The following ANKS1A variants were observed in gnomAD, a reference collection of about 807,000 sequenced individuals.
The protein encoded by ANKS1A is ankyrin repeat and sterile alpha motif domain containing 1A.
Under a neutral mutation model 120.3 loss-of-function variants are expected in ANKS1A, and 55 were observed. That is an observed-to-expected ratio of 0.46 (90% CI 0.37 to 0.57). ANKS1A has a LOEUF of 0.57. Ranked by LOEUF, ANKS1A falls within the 20% of genes least tolerant of loss-of-function variation. ANKS1A has a pLI of 0.00. For missense variants in ANKS1A, 1,123 were observed against 1,480.3 expected (o/e 0.76, Z 3.96); for synonymous variants, 590 against 604.7 (o/e 0.98, Z 0.36).
chr6:35,081,768 T>TAC (rs1427337602), intron 17 of ANKS1A, among the ~76,000 whole-genome samples: 2 of 152,186 alleles, frequency 1.3e-5, no homozygotes, highest in Non-Finnish European at 2.9e-5. Context: ...TGGCTCACCT[T>TAC]CTCAGGGCAT....
chr6:34,895,780 CTTTTTTTT>C (rs995285475), intron 1 of ANKS1A, among the ~76,000 whole-genome samples: 8,033 of 90,428 alleles, frequency 0.089, 330 homozygotes, highest in East Asian at 0.26. Context: ...GAATGTCTTT[CTTTTTTTT>C]TTTTTTTTTT....
At position 35,084,641 on chromosome 6, in the gene ANKS1A, C is replaced by T. The variant is rs1373141905; in HGVS notation, c.3132+383C>T. Among the ~76,000 whole-genome samples the T allele has an allele frequency of 5.9e-5, 9 of 152,078 alleles. No homozygotes were observed. The highest frequency in any genetic ancestry group is 4.6e-4 in the Admixed American group (7 of 15,266). Reference sequence around the variant, plus strand: ...CGCCCCTGACTTTCCAGCTTTTTGGCGAGTGTTTTCTTAGGTCAGGCAAGG... The same window carrying T: ...CGCCCCTGACTTTCCAGCTTTTTGGTGAGTGTTTTCTTAGGTCAGGCAAGG... On this transcript the variant is annotated intron_variant, in intron 21 of 23. Transcript: ENST00000360359. The surrounding 1 kb of genome is among the most constrained non-coding windows in gnomAD (Gnocchi z 4.8).
intron 1 of ANKS1A, among the ~76,000 whole-genome samples, chr6:34,927,714 G>T (rs553336267): frequency 6.6e-6 from 1 of 152,308 alleles, no homozygotes; most frequent in African/African-American, 2.4e-5. Flanking sequence ...TAATGTACAG[G>T]ATTTGATGAC....
intron 13 of ANKS1A, among the ~76,000 whole-genome samples, chr6:35,062,193 C>T (rs965118409): frequency 2.0e-5 from 3 of 152,206 alleles, no homozygotes; most frequent in African/African-American, 7.2e-5. Context: ...GCCTGCAGCT[C>T]AGTCCTTCCA....
chr6:35,010,319 G>A (rs1472320651), intron 10 of ANKS1A, among the ~76,000 whole-genome samples: 1 of 152,208 alleles, frequency 6.6e-6, no homozygotes, highest in Non-Finnish European at 1.5e-5. Context: ...GGTTGAACAA[G>A]ATAGAAGTAA....
At chr6:34,931,130 C>A (rs1427353089) in intron 1 of ANKS1A, among the ~76,000 whole-genome samples, 1 of 150,348 alleles carries the variant, frequency 6.7e-6, no homozygotes, top group East Asian at 2.0e-4. Flanking sequence ...CCGCCCGCCT[C>A]AGCCTCCCAA....
At chr6:34,988,701 A>G (rs1434937836) in intron 8 of ANKS1A, among the ~76,000 whole-genome samples, 1 of 152,232 alleles carries the variant, frequency 6.6e-6, no homozygotes, top group Non-Finnish European at 1.5e-5. Context: ...GCTTTTTGCT[A>G]ATAAATGGGA....
rs760032325 is a variant in ANKS1A at position 34,889,638 on chromosome 6, C to T, written c.197+39C>T. On this transcript the variant is annotated intron_variant, in intron 1 of 23. Coordinates refer to ENST00000360359, the MANE Select transcript of ANKS1A (RefSeq NM_015245.3). This position sits in a 1 kb window ranked among gnomAD's most constrained non-coding sequence, Gnocchi z 5.5. ...AGGGCCGGGCCGCTGCCTGCAGACC[C>T]TTTCTCCCCCACCCGTCTCTTGGGT... 57 of 1,268,326 alleles carry T rather than the reference C, an allele frequency of 4.5e-5. No individual in the cohort carries two copies. In the East Asian group the frequency reaches 1.5e-3, roughly 34 times the overall value. The allele number at this position is 1,268,326 out of a possible 1,614,324, so 78.6% of individuals were successfully genotyped here.
Position 34,889,385 on chromosome 6 carries a change from C to T in ANKS1A, c.-18C>T. The T allele has an allele frequency of 8.0e-7, 1 of 1,257,214 alleles. No individual in the cohort carries two copies. Among genetic ancestry groups the T allele is most frequent in the South Asian group, 3.3e-5 (1 of 30,580 alleles). 77.9% of individuals were successfully genotyped at this position (1,257,214 alleles called of 1,614,324 possible). A position where few individuals can be genotyped will look rare whatever the true frequency, so the allele number is the denominator to read the frequency against. Reference sequence around the variant, plus strand: ...CTGCAGCCTCGGGGAGGGGGTCCAGCGGGTGGCGGCCCTGGGGATGGGGAA... The same window carrying T: ...CTGCAGCCTCGGGGAGGGGGTCCAGTGGGTGGCGGCCCTGGGGATGGGGAA... On this transcript the variant is annotated 5_prime_UTR_variant, in exon 1 of 24. Coordinates refer to ENST00000360359, the MANE Select transcript of ANKS1A (RefSeq NM_015245.3). The surrounding 1 kb of genome is among the most constrained non-coding windows in gnomAD (Gnocchi z 5.5).
intron 3 of ANKS1A, among the ~76,000 whole-genome samples, chr6:34,975,829 T>C (rs564568145): frequency 6.6e-6 from 1 of 152,048 alleles, no homozygotes; most frequent in East Asian, 1.9e-4. Flanking sequence ...AAACCCTTCT[T>C]GAGCTGATTC....
At chr6:35,012,146 T>C (rs961169130) in intron 10 of ANKS1A, among the ~76,000 whole-genome samples, 1 of 152,084 alleles carries the variant, frequency 6.6e-6, no homozygotes, top group Non-Finnish European at 1.5e-5. Context: ...CTAGCCTAAA[T>C]CCCAAAGCCC....
intron 1 of ANKS1A, among the ~76,000 whole-genome samples, chr6:34,935,302 G>T (rs1485295473): frequency 6.6e-6 from 1 of 152,118 alleles, no homozygotes; most frequent in African/African-American, 2.4e-5. Context: ...TCCCAGGCTG[G>T]TCTCAAACTC....
At chr6:35,065,902 C>A (rs553307964) in intron 13 of ANKS1A, among the ~76,000 whole-genome samples, 6 of 152,216 alleles carry the variant, frequency 3.9e-5, no homozygotes. Flanking sequence ...CTGCCTGGCC[C>A]GTTGCTTCTA....
intron 12 of ANKS1A, among the ~76,000 whole-genome samples, chr6:35,056,870 CT>C (rs1180329851): frequency 6.6e-6 from 1 of 152,058 alleles, no homozygotes; most frequent in Non-Finnish European, 1.5e-5. Context: ...CCCATGAACC[CT>C]GTCTGATGGG....
At chr6:34,977,190 T>A (rs1771646207) in intron 3 of ANKS1A, among the ~76,000 whole-genome samples, 1 of 152,186 alleles carries the variant, frequency 6.6e-6, no homozygotes, top group Non-Finnish European at 1.5e-5. Context: ...GTCTTTCAAT[T>A]TAGCTTTGTT....
At position 35,057,568 on chromosome 6, in the gene ANKS1A, T is replaced by C. The variant is rs1445730108; in HGVS notation, c.2078-2579T>C. Reference sequence around the variant, plus strand: ...CCCTGGACTTCTGTCCCTGTACCTGTTTTATCTTTTTGGCCTGTCTCCATC... The same window carrying C: ...CCCTGGACTTCTGTCCCTGTACCTGCTTTATCTTTTTGGCCTGTCTCCATC... On this transcript the variant is annotated intron_variant, in intron 12 of 23. Coordinates refer to ENST00000360359, the MANE Select transcript of ANKS1A (RefSeq NM_015245.3). This position sits in a 1 kb window ranked among gnomAD's most constrained non-coding sequence, Gnocchi z 4.1. Among the ~76,000 whole-genome samples the C allele has an allele frequency of 6.6e-6, 1 of 152,138 alleles. No individual in the cohort carries two copies. Among genetic ancestry groups the C allele is most frequent in the Non-Finnish European group, 1.5e-5 (1 of 68,018 alleles).
chr6:35,029,004 G>GA (rs767529541), intron 11 of ANKS1A, among the ~76,000 whole-genome samples: 11 of 152,184 alleles, frequency 7.2e-5, no homozygotes, highest in Non-Finnish European at 1.0e-4. Flanking sequence ...TTATCAACAT[G>GA]AGGGTGGTCA....
chr6:35,008,636 C>G (rs965707019), intron 10 of ANKS1A, among the ~76,000 whole-genome samples: 5 of 152,186 alleles, frequency 3.3e-5, no homozygotes. Context: ...CAAGTCCAAG[C>G]CTTATGAACT....
intron 11 of ANKS1A, among the ~76,000 whole-genome samples, chr6:35,028,760 A>C (rs1018272829): frequency 6.6e-6 from 1 of 152,182 alleles, no homozygotes; most frequent in Non-Finnish European, 1.5e-5. Context: ...AATTGAGTAC[A>C]TGAAGTTTTC....
Sources: allele counts gnomAD v4.1 joint callset (sites outside exome capture counted in the v4.1 genomes callset), GRCh38; gene constraint gnomAD v4.1.1; non-coding constraint Gnocchi (gnomAD v3.1); transcripts MANE v1.5; gene names NCBI Gene and HGNC (gene_info 2026-07-23, HGNC 2026-07-21).